The following PGAP4 variants were observed in gnomAD, a reference collection of about 807,000 sequenced individuals.
PGAP4 encodes the protein GPI-N-acetylgalactosamine transferase PGAP4.
Under a neutral mutation model 28.2 loss-of-function variants are expected in PGAP4, and 12 were observed. The observed-to-expected ratio is 0.42, with a 90% confidence interval of 0.27 to 0.69. PGAP4 has a LOEUF of 0.69. Among genes scored for constraint, PGAP4 ranks in the 30% least tolerant of loss-of-function variants. The pLI is 0.22. For missense variants in PGAP4, 425 were observed against 513.5 expected, an observed-to-expected ratio of 0.83 and a Z score of 1.67; for synonymous variants, 205 against 211.8, an observed-to-expected ratio of 0.97 and a Z score of 0.28.
intron 1 of PGAP4, among the ~76,000 whole-genome samples, chr9:101,531,906 G>A (rs2118648145): frequency 6.6e-6 from 1 of 152,346 alleles, no homozygotes; most frequent in South Asian, 2.1e-4. Context: ...TAAGGAACCA[G>A]TAAAGATTAG....
chr9:101,525,661 T>C (rs890853520), intron 2 of PGAP4, among the ~76,000 whole-genome samples: 4 of 139,772 alleles, frequency 2.9e-5, no homozygotes, highest in Non-Finnish European at 6.0e-5. Flanking sequence ...TGAGACAAGA[T>C]TGCGCCATTG....
chr9:101,476,266 A>T lies in PGAP4; in HGVS notation c.827T>A (p.Leu276Gln). ...GGCAAACCTCATGTATATCCAGGTT[A>T]GTAAGGGCCCCAGCAACATGCCTAC... ...VGVGMLLGPLLTWIYMRFASR... is the reference protein window; with the variant it reads ...VGVGMLLGPLQTWIYMRFASR... The change falls in exon 2 of 2, where the codon CTA becomes CAA. Residue 276 changes from leucine to glutamine, a missense_variant. Transcript: ENST00000374848. The surrounding 1 kb of genome is among the most constrained non-coding windows in gnomAD (Gnocchi z 7.0). The T allele has an allele frequency of 6.2e-7, 1 of 1,614,154 alleles. No individual in the cohort carries two copies. Among genetic ancestry groups the T allele is most frequent in the South Asian group, 1.1e-5 (1 of 91,058 alleles).
intron 1 of PGAP4, 62 bp from the exon 2 acceptor site, chr9:101,477,231 C>CAAAA: frequency 1.5e-6 from 2 of 1,304,730 alleles, no homozygotes; most frequent in Non-Finnish European, 2.0e-6. Context: ...AACAAACAAA[C>CAAAA]AAAAAAACAA....
At chr9:101,523,832 T>C (rs1287374872) in intron 2 of PGAP4, among the ~76,000 whole-genome samples, 1 of 151,516 alleles carries the variant, frequency 6.6e-6, no homozygotes, top group East Asian at 1.9e-4. Context: ...ATTACCAGGG[T>C]TGGTTTTCTG....
intron 2 of PGAP4, among the ~76,000 whole-genome samples, chr9:101,524,238 G>A (rs977093103): frequency 1.7e-4 from 25 of 150,998 alleles, no homozygotes; most frequent in African/African-American, 6.1e-4. Flanking sequence ...GCTGAGTCAT[G>A]CAGGTTGTCA....
chr9:101,482,216 G>A (rs1826510528), intron 1 of PGAP4, among the ~76,000 whole-genome samples: 1 of 152,250 alleles, frequency 6.6e-6, no homozygotes, highest in Non-Finnish European at 1.5e-5. Context: ...GGGACGCCGA[G>A]GCAGGCGGAT....
At chr9:101,525,157 G>A (rs1213731428) in intron 2 of PGAP4, among the ~76,000 whole-genome samples, 1 of 152,154 alleles carries the variant, frequency 6.6e-6, no homozygotes, top group African/African-American at 2.4e-5. Context: ...TCAAATAGTA[G>A]TTGTTTTTTA....
At chr9:101,525,958 T>C (rs1354749340) in intron 2 of PGAP4, among the ~76,000 whole-genome samples, 1 of 152,194 alleles carries the variant, frequency 6.6e-6, no homozygotes, top group African/African-American at 2.4e-5. Context: ...TTTAAACAAG[T>C]ATGTGATTCT....
chr9:101,496,822 C>G (rs1052857704), intron 2 of PGAP4, among the ~76,000 whole-genome samples: 7 of 150,550 alleles, frequency 4.6e-5, no homozygotes, highest in African/African-American at 1.7e-4. Flanking sequence ...GTTTTACATT[C>G]TTTGAATTTA....
intron 2 of PGAP4, among the ~76,000 whole-genome samples, chr9:101,495,425 C>G (rs1256115884): frequency 8.5e-5 from 8 of 93,704 alleles, no homozygotes; most frequent in Non-Finnish European, 1.1e-4. Flanking sequence ...ATTATATATG[C>G]TTATATTTTA....
intron 2 of PGAP4, among the ~76,000 whole-genome samples, chr9:101,518,024 A>T (rs182520887): frequency 6.6e-6 from 1 of 152,026 alleles, no homozygotes; most frequent in Non-Finnish European, 1.5e-5. Context: ...CACCCCTCAG[A>T]CCTTCCTCCC....
chr9:101,526,155 T>G (rs1012421958), intron 2 of PGAP4, among the ~76,000 whole-genome samples: 1 of 152,254 alleles, frequency 6.6e-6, no homozygotes, highest in African/African-American at 2.4e-5. Flanking sequence ...ACACATCTCC[T>G]TGCTGTTCTT....
upstream of PGAP4, chr9:101,489,312 C>T (rs926760592): frequency 6.6e-6 from 1 of 152,166 alleles, no homozygotes; most frequent in African/African-American, 2.4e-5. Context: ...AACCTCTATG[C>T]AAGTAGGGTA....
At chr9:101,529,281 G>A (rs1827064969) in intron 2 of PGAP4, among the ~76,000 whole-genome samples, 2 of 150,868 alleles carry the variant, frequency 1.3e-5, no homozygotes, top group Non-Finnish European at 2.9e-5. Context: ...TCAGCCTCCC[G>A]AGTAGCTGGA....
In PGAP4 at chr9:101,476,231, C is replaced by G; in HGVS notation, c.862G>C (p.Gly288Arg). The G allele has an allele frequency of 1.9e-6, 3 of 1,614,184 alleles. No individual in the cohort carries two copies. Among genetic ancestry groups the G allele is most frequent in the Non-Finnish European group, 2.5e-6 (3 of 1,180,042 alleles). The change falls in exon 2 of 2, where the codon GGG (glycine) becomes CGG (arginine). Residue 288 changes from glycine to arginine, a missense_variant. Gly to Arg is a moderately radical substitution (Grantham distance 125). Transcript: ENST00000374848. The surrounding 1 kb of genome is among the most constrained non-coding windows in gnomAD (Gnocchi z 7.0). Reference sequence around the variant, plus strand: ...AAGAGCATTACAGGCCAGCTAAACCCTGGGCGGCTGGCAAACCTCATGTAT... The same window carrying G: ...AAGAGCATTACAGGCCAGCTAAACCGTGGGCGGCTGGCAAACCTCATGTAT... ...WIYMRFASRP[G>R]FSWPVMLFFS...
Position 101,474,041 on chromosome 9 carries a change from A to T in PGAP4, c.*1840T>A, listed in dbSNP as rs1342673824. ...GTTTCTGCCATCTTAGCTTACAGAG[A>T]CATGATCTAGTTCAGCTTATACTCA... On this transcript the variant is annotated 3_prime_UTR_variant, in exon 2 of 2. Coordinates refer to ENST00000374848, the MANE Select transcript of PGAP4 (RefSeq NM_032342.3). 6.6e-6 allele frequency: 1 copy of T among 152,232 alleles called. No homozygotes were observed. The highest frequency in any genetic ancestry group is 1.9e-4 in the East Asian group (1 of 5,202). The allele number at this position is 152,232 out of a possible 1,614,324, so 9.4% of individuals were successfully genotyped here. A position where few individuals can be genotyped will look rare whatever the true frequency, so the allele number is the denominator to read the frequency against.
At chr9:101,498,108 A>C (rs1826767862) in intron 2 of PGAP4, among the ~76,000 whole-genome samples, 1 of 151,780 alleles carries the variant, frequency 6.6e-6, no homozygotes, top group South Asian at 2.1e-4. Context: ...TTTGATTTTT[A>C]AAAACCTCTT....
rs1826296587 is a variant in PGAP4 at position 101,476,094 on chromosome 9, G to T, written c.999C>A (p.Cys333Ter). Residue 333 changes from cysteine (C) to a stop codon, truncating the protein, a stop_gained, in exon 2 of 2, where the codon TGC becomes TGA. Coordinates refer to ENST00000374848, the MANE Select transcript of PGAP4 (RefSeq NM_032342.3). LOFTEE classifies it high-confidence loss of function. This position sits in a 1 kb window ranked among gnomAD's most constrained non-coding sequence, Gnocchi z 7.0. ...GTGCCGGGAAGAGCATGGCTGGGGT[G>T]CAACACTGAGAGGCAGGAACCACAC... Reference protein sequence around the residue: ...LYSVVPASQCCTPAMLFPAPA... With the variant: ...LYSVVPASQC 2.5e-6 allele frequency: 4 copies of T among 1,614,152 alleles called. No homozygotes were observed. Among genetic ancestry groups the T allele is most frequent in the Non-Finnish European group, 3.4e-6 (4 of 1,180,018 alleles).
intron 2 of PGAP4, among the ~76,000 whole-genome samples, chr9:101,508,071 T>A (rs1434682984): frequency 6.6e-6 from 1 of 151,932 alleles, no homozygotes; most frequent in Non-Finnish European, 1.5e-5. Flanking sequence ...TCTCAATCAG[T>A]CATTATTTCC....
Sources: allele counts gnomAD v4.1 joint callset (sites outside exome capture counted in the v4.1 genomes callset), GRCh38; gene constraint gnomAD v4.1.1; non-coding constraint Gnocchi (gnomAD v3.1); transcripts MANE v1.5; gene names NCBI Gene and HGNC (gene_info 2026-07-23, HGNC 2026-07-21).